The following SYN3 variants were observed in gnomAD, a reference collection of about 807,000 sequenced individuals.
The protein encoded by SYN3 is synapsin-3.
Under a neutral mutation model 65.8 loss-of-function variants are expected in SYN3, and 35 were observed. The ratio of observed to expected loss-of-function variants is 0.53; its 90% CI spans 0.41 to 0.70. SYN3 has a LOEUF of 0.70. Among genes scored for constraint, SYN3 ranks in the 30% least tolerant of loss-of-function variants. SYN3 has a pLI of 0.00. For synonymous variants in SYN3, 270 were observed against 292.9 expected, an observed-to-expected ratio of 0.92 and a Z score of 0.80; for missense variants, 680 against 749.0, an observed-to-expected ratio of 0.91 and a Z score of 1.08.
chr22:32,907,991 A>G lies in SYN3; in HGVS notation c.461+23399T>C, dbSNP rs1266187088. Among the ~76,000 whole-genome samples the G allele has an allele frequency of 3.3e-5, 5 of 152,230 alleles. No individual in the cohort carries two copies. The East Asian group carries it at 9.6e-4, about 29-fold the overall frequency. ...TTTACAAATGGTGAAACTAATGCAC[A>G]CAGAAGTTTTATAATTTGTCCAATG... On this transcript the variant is annotated intron_variant, in intron 4 of 13. Transcript: ENST00000358763.
intron 3 of SYN3, among the ~76,000 whole-genome samples, chr22:32,979,289 T>C (rs2052303723): frequency 2.0e-5 from 3 of 152,176 alleles, no homozygotes; most frequent in Non-Finnish European, 4.4e-5. Flanking sequence ...TTCTTCTATA[T>C]ACTCGTTCTC....
chr22:32,614,275 C>A (rs2059484900), intron 6 of SYN3, among the ~76,000 whole-genome samples: 1 of 152,202 alleles, frequency 6.6e-6, no homozygotes, highest in African/African-American at 2.4e-5. Context: ...GTTTAATGGG[C>A]TACCGGTGTG....
intron 1 of SYN3, among the ~76,000 whole-genome samples, chr22:33,009,833 C>A (rs2053306761): frequency 6.7e-6 from 1 of 149,588 alleles, no homozygotes; most frequent in African/African-American, 2.5e-5. Flanking sequence ...TATATAAAGT[C>A]TTATATATAT....
At chr22:32,546,219 A>ACGAG (rs2146269920) in intron 7 of SYN3, among the ~76,000 whole-genome samples, 1 of 152,334 alleles carries the variant, frequency 6.6e-6, no homozygotes, top group African/African-American at 2.4e-5. Flanking sequence ...TTGAGGACAG[A>ACGAG]CGAGTGTTGT....
chr22:32,871,201 G>T (rs1460193884), intron 4 of SYN3, among the ~76,000 whole-genome samples: 1 of 152,140 alleles, frequency 6.6e-6, no homozygotes, highest in African/African-American at 2.4e-5. Flanking sequence ...TCATAAGAGG[G>T]ACATGGGAAA....
chr22:32,721,198 T>C (rs759217479), intron 6 of SYN3, among the ~76,000 whole-genome samples: 30 of 152,168 alleles, frequency 2.0e-4, no homozygotes, highest in Non-Finnish European at 3.5e-4. Context: ...ATCTCCTGGG[T>C]GGAGCTCCCG....
chr22:32,990,318 A>G (rs1243293203), intron 2 of SYN3, among the ~76,000 whole-genome samples: 1 of 151,336 alleles, frequency 6.6e-6, no homozygotes, highest in Non-Finnish European at 1.5e-5. Context: ...CCATCCATCC[A>G]TCCATCCATC....
chr22:32,822,401 C>G (rs1321715403), intron 6 of SYN3, among the ~76,000 whole-genome samples: 1 of 152,170 alleles, frequency 6.6e-6, no homozygotes, highest in Non-Finnish European at 1.5e-5. Context: ...ACTTGCACTT[C>G]CTATCCTCAT....
intron 6 of SYN3, among the ~76,000 whole-genome samples, chr22:32,757,367 G>A (rs2045324752): frequency 6.8e-6 from 1 of 146,048 alleles, no homozygotes. Context: ...GCGCAATCTC[G>A]GCTCACCACA....
intron 6 of SYN3, among the ~76,000 whole-genome samples, chr22:32,747,556 C>T (rs570278906): frequency 1.3e-5 from 2 of 152,108 alleles, no homozygotes; most frequent in Non-Finnish European, 2.9e-5. Context: ...CTATTACTAA[C>T]CCTATTTTAC....
chr22:32,833,892 C>T (rs771328811), intron 6 of SYN3: 4 of 498,680 alleles, frequency 8.0e-6, no homozygotes, highest in Admixed American at 2.0e-5. Flanking sequence ...CCTATTGTAA[C>T]TAATAATAGT....
chr22:32,637,519 G>A (rs946659451), intron 6 of SYN3, among the ~76,000 whole-genome samples: 1 of 152,020 alleles, frequency 6.6e-6, no homozygotes, highest in Non-Finnish European at 1.5e-5. Flanking sequence ...CACATGTGCA[G>A]CTTTGTTACC....
chr22:32,562,064 C>A (rs5998539), intron 7 of SYN3, among the ~76,000 whole-genome samples: 7,946 of 152,272 alleles, frequency 0.052, 389 homozygotes, highest in East Asian at 0.23. Context: ...TTGAATTCTT[C>A]TTCCAATCCG....
chr22:32,955,959 C>G (rs1175983869), intron 3 of SYN3, among the ~76,000 whole-genome samples: 1 of 151,536 alleles, frequency 6.6e-6, no homozygotes, highest in African/African-American at 2.4e-5. Context: ...GGGACTCAGA[C>G]TGGCTTACTT....
intron 4 of SYN3, among the ~76,000 whole-genome samples, chr22:32,874,569 C>T (rs1215874684): frequency 6.6e-6 from 1 of 152,192 alleles, no homozygotes; most frequent in Non-Finnish European, 1.5e-5. Context: ...TCTGTGGTGG[C>T]AAGAACAGCT....
chr22:32,981,309 G>A (rs1464268790), intron 2 of SYN3, among the ~76,000 whole-genome samples: 1 of 151,208 alleles, frequency 6.6e-6, no homozygotes, highest in East Asian at 2.0e-4. Context: ...CTACAGGCCG[G>A]GCGCTGTGGC....
intron 1 of SYN3, among the ~76,000 whole-genome samples, chr22:33,013,045 A>G (rs932869458): frequency 6.6e-6 from 1 of 152,164 alleles, no homozygotes; most frequent in Non-Finnish European, 1.5e-5. Context: ...AGCCCCTTCC[A>G]TTTTTCAAAT....
At chr22:32,912,913 G>T (rs1249454832) in intron 4 of SYN3, among the ~76,000 whole-genome samples, 1 of 152,098 alleles carries the variant, frequency 6.6e-6, no homozygotes, top group African/African-American at 2.4e-5. Flanking sequence ...TACCGCAATG[G>T]TAGATACATG....
At chr22:32,994,510 C>T (rs1312300784) in intron 2 of SYN3, among the ~76,000 whole-genome samples, 5 of 152,294 alleles carry the variant, frequency 3.3e-5, no homozygotes, top group East Asian at 1.9e-4. Context: ...TTTCCCCACA[C>T]AAACAGGCAG....
Sources: allele counts gnomAD v4.1 joint callset (sites outside exome capture counted in the v4.1 genomes callset), GRCh38; gene constraint gnomAD v4.1.1; transcripts MANE v1.5; gene names NCBI Gene and HGNC (gene_info 2026-07-23, HGNC 2026-07-21).